Variants in PTCH1 observed in about 807,000 individuals in gnomAD.
PTCH1 encodes patched 1.
PTCH1 carries 14 observed loss-of-function variants against 144.6 expected under a neutral mutation model. The ratio of observed to expected loss-of-function variants is 0.10; its 90% CI spans 0.06 to 0.15. The LOEUF (loss-of-function observed/expected upper bound fraction) is 0.15. PTCH1 is among the 10% of genes least tolerant of loss of function. PTCH1 has a pLI of 1.00. For synonymous variants in PTCH1, 833 were observed against 793.6 expected (o/e 1.05, Z -0.83); for missense variants, 1,623 against 1,948.3 (o/e 0.83, Z 3.14).
At chr9:95,489,452 G>A (rs776340681) in intron 2 of PTCH1, among the ~76,000 whole-genome samples, 18 of 151,550 alleles carry the variant, frequency 1.2e-4, no homozygotes, top group Non-Finnish European at 4.4e-5. Flanking sequence ...GGGCTTAAGC[G>A]ATCCTCCTCC....
intron 2 of PTCH1, among the ~76,000 whole-genome samples, chr9:95,505,286 G>T (rs966108552): frequency 6.6e-6 from 1 of 152,140 alleles, no homozygotes; most frequent in African/African-American, 2.4e-5. Context: ...CCGGAGGAAT[G>T]CTCCAGGTAT....
At chr9:95,498,543 C>T (rs746095213) in intron 2 of PTCH1, among the ~76,000 whole-genome samples, 5 of 152,156 alleles carry the variant, frequency 3.3e-5, no homozygotes, top group Non-Finnish European at 5.9e-5. Flanking sequence ...TCCTGTACAC[C>T]AGGCTCCTAA....
chr9:95,446,548 C>A, intron 23 of PTCH1, 157 bp from the exon 24 acceptor site: 1 of 442,766 alleles, frequency 2.3e-6, no homozygotes. Flanking sequence ...GTGACCTCTC[C>A]CTTCATCTGG....
intron 12 of PTCH1, among the ~76,000 whole-genome samples, chr9:95,470,163 A>G (rs1840433302): frequency 6.6e-6 from 1 of 152,206 alleles, no homozygotes; most frequent in Admixed American, 6.5e-5. Context: ...CCATAAACCG[A>G]TAAGGCACAA....
In PTCH1 at chr9:95,459,789, A is replaced by G. The variant is rs182321370; in HGVS notation, c.2704-6T>C. ...ACCAGACGCTGTTTAGTCAACTACA[A>G]AAACGGGAAGAACAGAGGCCTTTGA... On this transcript the variant is annotated splice_region_variant and splice_polypyrimidine_tract_variant and intron_variant, in intron 16 of 23. Transcript: ENST00000331920. The G allele has an allele frequency of 6.5e-5, 105 of 1,614,060 alleles. No individual in the cohort carries two copies. In the African/African-American group the frequency reaches 1.2e-3, roughly 19 times the overall value.
At chr9:95,453,783 A>G (rs1417889300) in intron 19 of PTCH1, among the ~76,000 whole-genome samples, 163 bp from the exon 20 acceptor site, 1 of 152,252 alleles carries the variant, frequency 6.6e-6, no homozygotes, top group East Asian at 1.9e-4. Context: ...CTAGACTTAA[A>G]CTAAGATGAC....
At position 95,485,565 on chromosome 9, in the gene PTCH1, T is replaced by C. The variant is rs1272746616; in HGVS notation, c.584+120A>G. The C allele has an allele frequency of 2.5e-6, 3 of 1,195,546 alleles. No individual in the cohort carries two copies. In the African/African-American group the frequency reaches 4.5e-5, roughly 18 times the overall value. The allele number at this position is 1,195,546 out of a possible 1,614,324, so 74.1% of individuals were successfully genotyped here. A position where few individuals can be genotyped will look rare whatever the true frequency, so the allele number is the denominator to read the frequency against. ...CCTTTCATTGCAAAGCTATTTGAAC[T>C]AATACTCCAGGTGCATTTCCAGGGC... is the stretch of plus-strand genomic sequence containing the variant. On this transcript the variant is annotated intron_variant, in intron 3 of 23. Transcript: ENST00000331920.
intron 1 of PTCH1, chr9:95,507,484 C>T (rs1384391788): frequency 1.5e-5 from 15 of 972,368 alleles, no homozygotes; most frequent in Middle Eastern, 1.0e-3. Context: ...CAGACTCGCA[C>T]CGCGAATTTA....
intron 18 of PTCH1, among the ~76,000 whole-genome samples, chr9:95,457,306 A>T (rs1839028113): frequency 6.6e-6 from 1 of 152,196 alleles, no homozygotes. Context: ...TCAATTGCTA[A>T]GTGCCATGAA....
intron 7 of PTCH1, 34 bp from the exon 8 acceptor site, chr9:95,479,181 G>C (rs781303436): frequency 1.2e-6 from 2 of 1,613,726 alleles, no homozygotes; most frequent in African/African-American, 2.7e-5. Context: ...CACATCATCA[G>C]TATTCCCAGG....
At chr9:95,456,157 C>T (rs930457215) in intron 19 of PTCH1, 119 bp downstream of exon 19, 3 of 1,479,448 alleles carry the variant, frequency 2.0e-6, no homozygotes, top group East Asian at 2.3e-5. Context: ...GCCCCTGTGC[C>T]CTGAGGCCTT....
chr9:95,454,105 C>T (rs1387786693), intron 19 of PTCH1, among the ~76,000 whole-genome samples: 1 of 152,230 alleles, frequency 6.6e-6, no homozygotes, highest in Non-Finnish European at 1.5e-5. Flanking sequence ...GTTTGTAGTA[C>T]ATCTAAGCAC....
intron 2 of PTCH1, among the ~76,000 whole-genome samples, chr9:95,497,126 T>G (rs929743367): frequency 6.6e-6 from 1 of 152,214 alleles, no homozygotes; most frequent in African/African-American, 2.4e-5. Flanking sequence ...ATTTCAACAA[T>G]TCCGCAAATT....
chr9:95,507,920 G>A (rs926399413), intron 1 of PTCH1: 168 of 954,802 alleles, frequency 1.8e-4, no homozygotes, highest in Middle Eastern at 7.6e-4. Context: ...ACACACACAC[G>A]CACACACACA....
intron 2 of PTCH1, among the ~76,000 whole-genome samples, chr9:95,496,218 G>A (rs1299001011): frequency 1.3e-5 from 2 of 152,162 alleles, no homozygotes; most frequent in Non-Finnish European, 2.9e-5. Flanking sequence ...CTAATCACCT[G>A]TCTAACTCGC....
chr9:95,481,290 G>C (rs896668873), intron 5 of PTCH1, among the ~76,000 whole-genome samples: 10 of 152,236 alleles, frequency 6.6e-5, no homozygotes, highest in African/African-American at 2.4e-4. Context: ...CTGAAGGTCA[G>C]GGGATGGCCA....
intron 1 of PTCH1, 81 bp from the exon 2 acceptor site, chr9:95,506,680 G>GCTTGC: frequency 2.0e-5 from 27 of 1,350,638 alleles, no homozygotes; most frequent in Middle Eastern, 2.6e-4. Flanking sequence ...GCACCCGCCC[G>GCTTGC]GTGAGCCCCC....
intron 12 of PTCH1, among the ~76,000 whole-genome samples, chr9:95,473,608 G>A (rs1288296211): frequency 2.1e-5 from 3 of 145,568 alleles, no homozygotes; most frequent in East Asian, 2.0e-4. Context: ...GCAATAGCAC[G>A]ATCTCAGCTC....
chr9:95,511,940 T>C (rs1304961597), upstream of PTCH1, among the ~76,000 whole-genome samples: 1 of 152,202 alleles, frequency 6.6e-6, no homozygotes, highest in Non-Finnish European at 1.5e-5. Context: ...GTTGCTATGT[T>C]TGTCTTTTCA....
Sources: allele counts gnomAD v4.1 joint callset (sites outside exome capture counted in the v4.1 genomes callset), GRCh38; gene constraint gnomAD v4.1.1; transcripts MANE v1.5; gene names NCBI Gene and HGNC (gene_info 2026-07-23, HGNC 2026-07-21).